ACAD10: variants seen among roughly 807,000 people sequenced by gnomAD.
The protein encoded by ACAD10 is ACAD-10.
In ACAD10, 112 loss-of-function variants were observed where a neutral mutation model predicts 116.8. The observed-to-expected ratio is 0.96, with a 90% confidence interval of 0.82 to 1.12. ACAD10 has a LOEUF of 1.12. Ranked by LOEUF, ACAD10 falls within the 50% of genes most tolerant of loss-of-function variation. The probability of loss-of-function intolerance (pLI) is 0.00; values close to 1 mark genes in which losing one functional copy is unlikely to be tolerated. For missense variants in ACAD10, 1,259 were observed against 1,350.2 expected (o/e 0.93, Z 1.06); for synonymous variants, 486 against 510.6 (o/e 0.95, Z 0.65).
At chr12:111,702,767 G>A (rs901329404) in intron 3 of ACAD10, among the ~76,000 whole-genome samples, 2 of 151,908 alleles carry the variant, frequency 1.3e-5, no homozygotes, top group Non-Finnish European at 2.9e-5. Flanking sequence ...TTCACCCCTA[G>A]GTGTTCAATG....
Position 111,756,539 on chromosome 12 carries a change from T to A in ACAD10, c.*66T>A. On this transcript the variant is annotated 3_prime_UTR_variant, in exon 21 of 21. Transcript: ENST00000313698. Reference sequence around the variant, plus strand: ...GCTGTGCCCAGATCTGTCACTGATGTGCCTCGAAAGATCCGGTGTTTGTGG... The same window carrying A: ...GCTGTGCCCAGATCTGTCACTGATGAGCCTCGAAAGATCCGGTGTTTGTGG... 1 of 1,586,330 alleles carries A rather than the reference T, an allele frequency of 6.3e-7. No individual in the cohort carries two copies. Among genetic ancestry groups the A allele is most frequent in the Middle Eastern group, 1.7e-4 (1 of 5,976 alleles).
At chr12:111,744,422 C>T (rs1203776387) in intron 12 of ACAD10, 2 of 589,880 alleles carry the variant, frequency 3.4e-6, no homozygotes, top group African/African-American at 1.9e-5. Context: ...CAAGTCACCT[C>T]CTTCTCTAAG....
At position 111,705,871 on chromosome 12, in the gene ACAD10, A is replaced by G. The variant is rs753296443; in HGVS notation, c.470A>G (p.Asn157Ser). The change falls in exon 4 of 21, where the codon AAT (asparagine) becomes AGT (serine). Residue 157 changes from asparagine (N) to serine (S), a missense_variant. By Grantham distance (46) the Asn-to-Ser change is conservative (BLOSUM62 1). Transcript: ENST00000313698. ...GGTCTTCAGACTGCAGTCTTGAGCA[A>G]TAATTTTTATCTTCCCAACCAGAAA... is the stretch of plus-strand genomic sequence containing the variant. ...AKGLQTAVLS[N>S]NFYLPNQKSF... 13 of 1,614,168 alleles carry G rather than the reference A, an allele frequency of 8.1e-6. No individual in the cohort carries two copies. The South Asian group carries it at 8.8e-5, about 11-fold the overall frequency.
At chr12:111,754,058 G>C in intron 19 of ACAD10, 143 bp downstream of exon 19, 1 of 1,233,560 alleles carries the variant, frequency 8.1e-7, no homozygotes, top group Non-Finnish European at 1.1e-6. Flanking sequence ...TCAAAAATTG[G>C]AAAGGCACAA....
At chr12:111,710,965 T>G (rs1888662130) in intron 5 of ACAD10, among the ~76,000 whole-genome samples, 1 of 152,060 alleles carries the variant, frequency 6.6e-6, no homozygotes, top group Non-Finnish European at 1.5e-5. Context: ...TTCAGTGTGG[T>G]TAGGAGTTAA....
intron 1 of ACAD10, among the ~76,000 whole-genome samples, chr12:111,689,853 C>T (rs1887985849): frequency 6.6e-6 from 1 of 151,152 alleles, no homozygotes; most frequent in Non-Finnish European, 1.5e-5. Context: ...GTAGCTGGGA[C>T]TACAGGTGCC....
chr12:111,686,729 G>A (rs1438133863), intron 1 of ACAD10, among the ~76,000 whole-genome samples: 1 of 152,132 alleles, frequency 6.6e-6, no homozygotes, highest in African/African-American at 2.4e-5. Context: ...AAAAAAGAGA[G>A]AAAAGATGGT....
At chr12:111,755,570 T>G in intron 19 of ACAD10, 98 bp from the exon 20 acceptor site, 1 of 825,012 alleles carries the variant, frequency 1.2e-6, no homozygotes, top group Non-Finnish European at 2.0e-6. Flanking sequence ...ACCCTGCTAG[T>G]TTTTGTATTT....
At chr12:111,687,772 C>T (rs1394557482) in intron 1 of ACAD10, among the ~76,000 whole-genome samples, 1 of 152,136 alleles carries the variant, frequency 6.6e-6, no homozygotes, top group African/African-American at 2.4e-5. Flanking sequence ...GAGTAACTGG[C>T]TCAGGATTTC....
intron 10 of ACAD10, among the ~76,000 whole-genome samples, chr12:111,730,507 G>A (rs1055390363): frequency 1.3e-5 from 2 of 152,156 alleles, no homozygotes; most frequent in African/African-American, 4.8e-5. Context: ...GCTAAAATGG[G>A]AACTTCAGTA....
intron 6 of ACAD10, among the ~76,000 whole-genome samples, chr12:111,713,351 G>A (rs900585294): frequency 2.6e-5 from 4 of 151,130 alleles, no homozygotes; most frequent in Admixed American, 6.6e-5. Flanking sequence ...TGACCGGGGC[G>A]TAGTGGCTCA....
intron 8 of ACAD10, among the ~76,000 whole-genome samples, chr12:111,726,114 C>T (rs1258312125): frequency 6.6e-6 from 1 of 151,936 alleles, no homozygotes. Context: ...ATTAGCTGGG[C>T]ATGGTGGCGC....
intron 16 of ACAD10, 110 bp from the exon 17 acceptor site, chr12:111,748,207 G>A: frequency 7.3e-7 from 1 of 1,364,432 alleles, no homozygotes; most frequent in African/African-American, 1.4e-5. Context: ...GAGCCTTAAA[G>A]AGCTCTGTCT....
At chr12:111,698,404 C>CTT (rs60125993) in intron 2 of ACAD10, among the ~76,000 whole-genome samples, 5 of 132,986 alleles carry the variant, frequency 3.8e-5, no homozygotes, top group South Asian at 2.4e-4. Flanking sequence ...AGTAGTGAGC[C>CTT]TTTTTTTTTT....
intron 5 of ACAD10, chr12:111,710,002 G>A (rs1888626062): frequency 2.9e-6 from 1 of 345,106 alleles, no homozygotes; most frequent in African/African-American, 2.2e-5. Context: ...TGGGGAGCCA[G>A]TGGCCACCAG....
At chr12:111,721,813 C>G in intron 8 of ACAD10, 74 bp downstream of exon 8, 5 of 1,311,052 alleles carry the variant, frequency 3.8e-6, no homozygotes, top group Non-Finnish European at 4.2e-6. Flanking sequence ...ACACAAATTC[C>G]AATTTGTTAA....
chr12:111,710,538 A>C (rs1374338300), intron 5 of ACAD10, among the ~76,000 whole-genome samples: 1 of 150,842 alleles, frequency 6.6e-6, no homozygotes, highest in Non-Finnish European at 1.5e-5. Flanking sequence ...TTTGTCACCC[A>C]GGCTGGAATA....
chr12:111,715,770 A>G (rs1427500342), intron 6 of ACAD10, 51 bp from the exon 7 acceptor site: 1 of 1,612,308 alleles, frequency 6.2e-7, no homozygotes, highest in South Asian at 1.1e-5. Flanking sequence ...ATGTCTGCTC[A>G]GATCTGTCCT....
intron 11 of ACAD10, 91 bp downstream of exon 11, chr12:111,734,159 G>C: frequency 6.4e-7 from 1 of 1,569,542 alleles, no homozygotes; most frequent in East Asian, 2.3e-5. Context: ...GTGATTGGGC[G>C]GGGGAAGTGA....
Sources: gnomAD v4.1 joint callset for allele counts (sites outside exome capture counted in the v4.1 genomes callset) on GRCh38, gnomAD v4.1.1 for gene constraint, MANE v1.5 for transcripts, NCBI Gene and HGNC (gene_info 2026-07-23, HGNC 2026-07-21) for gene names.